DSG1: variants seen among roughly 807,000 people sequenced by gnomAD.
DSG1 encodes the protein desmoglein-1.
In DSG1, 39 loss-of-function variants were observed where a neutral mutation model predicts 97.5. That is an observed-to-expected ratio of 0.40 (90% CI 0.31 to 0.52). DSG1 has a LOEUF of 0.52. Ranked by LOEUF, DSG1 falls within the 20% of genes least tolerant of loss-of-function variation. The probability of loss-of-function intolerance (pLI) is 0.53; values close to 1 mark genes in which losing one functional copy is unlikely to be tolerated. For synonymous variants in DSG1, 475 were observed against 443.4 expected (o/e 1.07, Z -0.90); for missense variants, 1,311 against 1,295.4 (o/e 1.01, Z -0.18).
chr18:31,358,491 C>A lies in DSG1; in HGVS notation c.*3145C>A, dbSNP rs2071977148. On this transcript the variant is annotated 3_prime_UTR_variant, in exon 15 of 15. Coordinates refer to ENST00000257192, the MANE Select transcript of DSG1 (RefSeq NM_001942.4). ...ATTTTTATTCAAGAAAATGTTCTGA[C>A]AAAATTTTAATTATATGTCTTCAAA... 6.6e-6 allele frequency among the ~76,000 whole-genome samples: 1 copy of A among 151,930 alleles called. No individual in the cohort carries two copies.
In DSG1 at chr18:31,336,478, T is replaced by C; in HGVS notation, c.1130T>C (p.Leu377Ser). ...GCATCTGCAATTTCTGTGACTGTGT[T>C]AAATGTAATTGAAGGCCCAGTGTTT... ...LKASAISVTV[L>S]NVIEGPVFRP... The change falls in exon 9 of 15, where the codon TTA becomes TCA. Residue 377 changes from leucine to serine, a missense_variant. Around this residue, in one of 3 missense-constraint regions of DSG1, gnomAD observed 1,038 missense variants for 964.6 expected, o/e 1.08. Transcript: ENST00000257192. 1 of 1,614,048 alleles carries C rather than the reference T, an allele frequency of 6.2e-7. No homozygotes were observed. Among genetic ancestry groups the C allele is most frequent in the Admixed American group, 1.7e-5 (1 of 60,026 alleles).
intron 5 of DSG1, among the ~76,000 whole-genome samples, chr18:31,331,424 A>G (rs187143776): frequency 6.6e-6 from 1 of 152,134 alleles, no homozygotes; most frequent in Admixed American, 6.6e-5. Context: ...AAAGAAGAAA[A>G]TATGCTAGAA....
At position 31,339,737 on chromosome 18, in the gene DSG1, A is replaced by T. The variant is rs746655017; in HGVS notation, c.1406-7A>T. ...AAATATTTCTTCCATTTTGAACGTTATTACAGATAATCTTCAAAGAACTTG... is the reference window on the plus strand; with the variant it reads ...AAATATTTCTTCCATTTTGAACGTTTTTACAGATAATCTTCAAAGAACTTG... On this transcript the variant is annotated splice_region_variant and splice_polypyrimidine_tract_variant and intron_variant, in intron 10 of 14. Transcript: ENST00000257192. The T allele has an allele frequency of 6.2e-7, 1 of 1,601,102 alleles. No individual in the cohort carries two copies. Among genetic ancestry groups the T allele is most frequent in the Non-Finnish European group, 8.6e-7 (1 of 1,168,506 alleles).
chr18:31,329,394 T>C (rs2071706870), intron 4 of DSG1, among the ~76,000 whole-genome samples: 1 of 152,108 alleles, frequency 6.6e-6, no homozygotes, highest in Non-Finnish European at 1.5e-5. Context: ...CCTGCCTGTA[T>C]TCCTCACACA....
chr18:31,333,894 A>C (rs2071735770), intron 7 of DSG1, 123 bp from the exon 8 acceptor site: 1 of 1,138,560 alleles, frequency 8.8e-7, no homozygotes, highest in Non-Finnish European at 1.3e-6. Context: ...AGCAATGAAA[A>C]ATGAGATGAA....
At chr18:31,318,403 A>C (rs2144077600) in intron 1 of DSG1, 55 bp downstream of exon 1, 1 of 1,473,752 alleles carries the variant, frequency 6.8e-7, no homozygotes, top group East Asian at 2.2e-5. Flanking sequence ...AAACAAGTGA[A>C]AACTTTTTAG....
chr18:31,328,096 A>T, intron 3 of DSG1, 93 bp from the exon 4 acceptor site: 1 of 1,344,862 alleles, frequency 7.4e-7, no homozygotes, highest in African/African-American at 1.5e-5. Flanking sequence ...TAACAAGGTC[A>T]TCACATGCAA....
chr18:31,333,868 A>C, intron 7 of DSG1, 145 bp downstream of exon 7: 1 of 1,185,662 alleles, frequency 8.4e-7, no homozygotes, highest in Non-Finnish European at 1.2e-6. Context: ...TGTTTATGCA[A>C]GAATAAATGG....
At chr18:31,338,252 T>C in intron 9 of DSG1, 63 bp from the exon 10 acceptor site, 1 of 1,517,102 alleles carries the variant, frequency 6.6e-7, no homozygotes, top group Non-Finnish European at 9.0e-7. Flanking sequence ...CAATACATTT[T>C]AAATTAAAAT....
At chr18:31,344,756 T>C (rs2071817677) in intron 13 of DSG1, among the ~76,000 whole-genome samples, 3 of 152,230 alleles carry the variant, frequency 2.0e-5, no homozygotes, top group African/African-American at 7.2e-5. Context: ...ACCATTATAA[T>C]AAAAGAACAA....
intron 5 of DSG1, among the ~76,000 whole-genome samples, chr18:31,330,403 T>C (rs1479206460): frequency 6.6e-6 from 1 of 152,142 alleles, no homozygotes; most frequent in Non-Finnish European, 1.5e-5. Context: ...TTTTTCCCCT[T>C]TTTTAAAGTT....
At position 31,328,178 on chromosome 18, in the gene DSG1, T is replaced by A; in HGVS notation, c.217-11T>A. Reference sequence around the variant, plus strand: ...CTCCCTCTAATATTTTTACTTGTGTTCCTTCTGCAGATTCACTCAGATTGT... The same window carrying A: ...CTCCCTCTAATATTTTTACTTGTGTACCTTCTGCAGATTCACTCAGATTGT... On this transcript the variant is annotated splice_polypyrimidine_tract_variant and intron_variant, in intron 3 of 14. Coordinates refer to ENST00000257192, the MANE Select transcript of DSG1 (RefSeq NM_001942.4). 6.2e-7 allele frequency: 1 copy of A among 1,613,096 alleles called. No homozygotes were observed. The highest frequency in any genetic ancestry group is 8.5e-7 in the Non-Finnish European group (1 of 1,179,290).
At chr18:31,321,635 G>A (rs1481068039) in intron 1 of DSG1, among the ~76,000 whole-genome samples, 3 of 152,142 alleles carry the variant, frequency 2.0e-5, no homozygotes, top group African/African-American at 7.2e-5. Flanking sequence ...CAATTGGTTT[G>A]AGTTGCCACA....
intron 3 of DSG1, 27 bp downstream of exon 3, chr18:31,327,032 T>C (rs888844399): frequency 4.6e-5 from 75 of 1,612,942 alleles, no homozygotes; most frequent in Non-Finnish European, 6.0e-5. Flanking sequence ...AAGCATAACA[T>C]TGAAAATCAG....
chr18:31,339,293 A>C (rs191699996), intron 10 of DSG1, among the ~76,000 whole-genome samples: 3 of 152,250 alleles, frequency 2.0e-5, no homozygotes, highest in Admixed American at 2.0e-4. Flanking sequence ...AAAGTAAAAA[A>C]AATGGAATGA....
chr18:31,346,094 C>G lies in DSG1; in HGVS notation c.1996C>G (p.Pro666Ala). ...LTEGVKTSGM[P>A]EICQEYSGTL... ...AGAGGGAGTTAAAACTTCAGGAATG[C>G]CTGAGATATGTCAAGAATACTCTGG... The change falls in exon 14 of 15, where the codon CCT becomes GCT. Residue 666 changes from proline (P) to alanine (A), a missense_variant. Coordinates refer to ENST00000257192, the MANE Select transcript of DSG1 (RefSeq NM_001942.4). The G allele has an allele frequency of 6.2e-7, 1 of 1,613,416 alleles. No individual in the cohort carries two copies. The highest frequency in any genetic ancestry group is 8.5e-7 in the Non-Finnish European group (1 of 1,179,478).
chr18:31,327,047 G>C (rs1222096270), intron 3 of DSG1, 42 bp downstream of exon 3: 3 of 1,611,808 alleles, frequency 1.9e-6, no homozygotes, highest in Non-Finnish European at 1.7e-6. Flanking sequence ...AATCAGAATG[G>C]ATAAAGTTTC....
intron 11 of DSG1, 109 bp from the exon 12 acceptor site, chr18:31,343,341 C>A: frequency 6.7e-7 from 1 of 1,491,594 alleles, no homozygotes; most frequent in Non-Finnish European, 9.3e-7. Flanking sequence ...AATTTTAGAA[C>A]CAACCAGAAT....
intron 1 of DSG1, among the ~76,000 whole-genome samples, chr18:31,322,809 G>T (rs1196279847): frequency 1.3e-5 from 2 of 152,074 alleles, no homozygotes; most frequent in East Asian, 1.9e-4. Flanking sequence ...AAATGCAAGA[G>T]ATTTTTTAAA....
Sources: gnomAD v4.1 joint callset for allele counts (sites outside exome capture counted in the v4.1 genomes callset) on GRCh38, gnomAD v4.1.1 for gene constraint, gnomAD v4.1.1 regional missense constraint, MANE v1.5 for transcripts, NCBI Gene and HGNC (gene_info 2026-07-23, HGNC 2026-07-21) for gene names.